Variants in SEC23A observed in about 807,000 individuals in gnomAD.
SEC23A encodes the protein protein transport protein Sec23A.
In SEC23A, 56 loss-of-function variants were observed where a neutral mutation model predicts 103.7. The ratio of observed to expected loss-of-function variants is 0.54; its 90% CI spans 0.44 to 0.67. The LOEUF is 0.67. SEC23A is among the 30% of genes least tolerant of loss of function. The pLI, the probability that SEC23A is intolerant of heterozygous loss-of-function variation, is 0.00. For missense variants in SEC23A, 784 were observed against 936.4 expected (o/e 0.84, Z 2.12); for synonymous variants, 281 against 293.0 (o/e 0.96, Z 0.42).
chr14:39,091,602 G>A lies in SEC23A; in HGVS notation c.478C>T (p.Pro160Ser), dbSNP rs1887666757. Residue 160 changes from proline (P) to serine (S), a missense_variant, in exon 5 of 20, where the codon CCT becomes TCT. Physicochemically the swap from Pro to Ser is moderately conservative, Grantham distance 74. This residue lies in a region of SEC23A where 683 missense variants were observed against 774.2 expected (regional missense o/e 0.88). Coordinates refer to ENST00000307712, the MANE Select transcript of SEC23A (RefSeq NM_006364.4). ...SMQMSLSLLP[P>S]TALVGLITFG... ...GTAATAAGTCCAACCAAAGCTGTAG[G>A]TGGTAAAAGACTTAATGACATCTGC... 5 of 1,613,820 alleles carry A rather than the reference G, an allele frequency of 3.1e-6. No individual in the cohort carries two copies. Among genetic ancestry groups the A allele is most frequent in the Non-Finnish European group, 4.2e-6 (5 of 1,179,810 alleles).
chr14:39,099,154 G>GTTTTTTTTTTTTTTTTTTTTTTTTTTTT (rs35763261), intron 1 of SEC23A, among the ~76,000 whole-genome samples: 1 of 83,644 alleles, frequency 1.2e-5, no homozygotes, highest in Non-Finnish European at 2.4e-5. Flanking sequence ...TTGTTTTTGG[G>GTTTTTTTTTTTTTTTTTTTTTTTTTTTT]TTTTTTTTTT....
chr14:39,056,610 A>G (rs6571889), intron 13 of SEC23A, among the ~76,000 whole-genome samples: 140,481 of 151,806 alleles, frequency 0.93, 65,100 homozygotes, highest in East Asian at 0.97. Flanking sequence ...GAGTAGCCAG[A>G]ACTACAGGCT....
At chr14:39,102,401 T>C (rs988305486) in intron 1 of SEC23A, among the ~76,000 whole-genome samples, 1 of 152,176 alleles carries the variant, frequency 6.6e-6, no homozygotes, top group Non-Finnish European at 1.5e-5. Context: ...GGAGTTCAAG[T>C]GAAAACGAGA....
At chr14:39,039,305 A>T (rs1279422034) in intron 18 of SEC23A, 2 of 515,532 alleles carry the variant, frequency 3.9e-6, no homozygotes, top group Non-Finnish European at 6.6e-6. Context: ...TCTCCAAATC[A>T]TACATCCAAA....
chr14:39,057,845 G>A (rs1426075402), intron 13 of SEC23A, among the ~76,000 whole-genome samples: 1 of 152,114 alleles, frequency 6.6e-6, no homozygotes, highest in Non-Finnish European at 1.5e-5. Context: ...TATTCCACTG[G>A]AAAATGAATA....
In SEC23A at chr14:39,035,379, T is replaced by C. The variant is rs115495160; in HGVS notation, c.2209-2051A>G. On this transcript the variant is annotated intron_variant, in intron 19 of 19. Transcript: ENST00000307712. ...ATTACACTTCAGAGTTTAAAATAGG[T>C]TTCCTTTCCCATGTTAAATATAAGA... 8.9e-3 allele frequency among the ~76,000 whole-genome samples: 1,354 copies of C among 152,290 alleles called. 17 individuals are homozygous for C. The highest frequency in any genetic ancestry group is 0.031 in the African/African-American group (1,279 of 41,558).
chr14:39,071,312 T>C (rs28821293), intron 9 of SEC23A, among the ~76,000 whole-genome samples: 15,139 of 152,216 alleles, frequency 0.099, 967 homozygotes, highest in East Asian at 0.32. Context: ...TAAAAATCAA[T>C]TGTTGGACGG....
At chr14:39,091,334 G>A in intron 5 of SEC23A, 143 bp downstream of exon 5, 1 of 653,142 alleles carries the variant, frequency 1.5e-6, no homozygotes. Context: ...ACTGAAGCCA[G>A]CACTGAATTT....
intron 10 of SEC23A, 39 bp from the exon 11 acceptor site, chr14:39,065,032 G>GAT (rs1886611203): frequency 1.5e-6 from 2 of 1,316,592 alleles, no homozygotes; most frequent in Non-Finnish European, 2.2e-6. Context: ...TTTCCTCAAA[G>GAT]ATACGTTCAA....
At chr14:39,046,066 T>A (rs1183110275) in intron 15 of SEC23A, among the ~76,000 whole-genome samples, 1 of 151,992 alleles carries the variant, frequency 6.6e-6, no homozygotes, top group African/African-American at 2.4e-5. Context: ...TAAATGGGAG[T>A]TCCCCTGCAC....
At chr14:39,049,175 T>TG (rs1566485218) in intron 14 of SEC23A, among the ~76,000 whole-genome samples, 1 of 138,426 alleles carries the variant, frequency 7.2e-6, no homozygotes, top group African/African-American at 2.7e-5. Flanking sequence ...CCATCGCTAT[T>TG]AAAAAAAAAA....
At chr14:39,046,454 C>T (rs1051610001) in intron 15 of SEC23A, among the ~76,000 whole-genome samples, 3 of 152,028 alleles carry the variant, frequency 2.0e-5, no homozygotes, top group African/African-American at 4.8e-5. Context: ...GCCTGGGTGA[C>T]AAGAGTGAGA....
At chr14:39,083,707 C>T (rs904361477) in intron 7 of SEC23A, among the ~76,000 whole-genome samples, 4 of 151,490 alleles carry the variant, frequency 2.6e-5, no homozygotes, top group African/African-American at 9.7e-5. Context: ...GGACTACAGG[C>T]GCCTGCCACC....
At chr14:39,095,232 C>G (rs1887844945) in intron 2 of SEC23A, among the ~76,000 whole-genome samples, 1 of 151,912 alleles carries the variant, frequency 6.6e-6, no homozygotes, top group Non-Finnish European at 1.5e-5. Flanking sequence ...AGAGATGATT[C>G]CTGAGATTTT....
rs372931902 is a variant in SEC23A, at chr14:39,064,963, T to C, written c.1258A>G (p.Ile420Val). The change falls in exon 11 of 20, where the codon ATT (isoleucine) becomes GTT (valine). Residue 420 changes from isoleucine (I) to valine (V), a missense_variant. Coordinates refer to ENST00000307712, the MANE Select transcript of SEC23A (RefSeq NM_006364.4). Reference sequence around the variant, plus strand: ...GAATTGAGTGACACACAGGGTCCAATAGCTCCTGAAATCTTTATTTCCCTT... The same window carrying C: ...GAATTGAGTGACACACAGGGTCCAACAGCTCCTGAAATCTTTATTTCCCTT... ...TSREIKISGA[I>V]GPCVSLNSKG... 2.2e-5 allele frequency: 36 copies of C among 1,613,154 alleles called. No individual in the cohort carries two copies. Among genetic ancestry groups the C allele is most frequent in the Middle Eastern group, 1.6e-4 (1 of 6,084 alleles).
chr14:39,096,681 T>C (rs371305210), intron 1 of SEC23A, among the ~76,000 whole-genome samples: 2 of 152,168 alleles, frequency 1.3e-5, no homozygotes, highest in African/African-American at 4.8e-5. Flanking sequence ...TAAAAGATGA[T>C]GGCAAAAAAT....
At chr14:39,091,319 A>G in intron 5 of SEC23A, 158 bp downstream of exon 5, 1 of 628,436 alleles carries the variant, frequency 1.6e-6, no homozygotes, top group Non-Finnish European at 2.8e-6. Flanking sequence ...GCACATGAAA[A>G]GAAAACTGAA....
chr14:39,046,376 G>C (rs928983305), intron 15 of SEC23A, among the ~76,000 whole-genome samples: 1 of 152,160 alleles, frequency 6.6e-6, no homozygotes, highest in Non-Finnish European at 1.5e-5. Context: ...GGGAGGCAGA[G>C]ACACAAGAAT....
At position 39,075,976 on chromosome 14, in the gene SEC23A, T is replaced by C. The variant is rs1306910409; in HGVS notation, c.946A>G (p.Ile316Val). The C allele has an allele frequency of 1.2e-6, 2 of 1,614,036 alleles. No individual in the cohort carries two copies. Among genetic ancestry groups the C allele is most frequent in the East Asian group, 2.2e-5 (1 of 44,856 alleles). The change falls in exon 8 of 20, where the codon ATT becomes GTT. Residue 316 changes from isoleucine to valine, a missense_variant. By Grantham distance (29) the Ile-to-Val change is conservative (BLOSUM62 3). Transcript: ENST00000307712. ...ACATATTTGGCATTGTCTTTGTCAA[T>C]GTCATGCCACGATCTTATAGGTGTC... ...LKTPIRSWHD[I>V]DKDNAKYVKK...
Sources: allele counts gnomAD v4.1 joint callset (sites outside exome capture counted in the v4.1 genomes callset), GRCh38; gene constraint gnomAD v4.1.1; regional missense constraint gnomAD v4.1.1; transcripts MANE v1.5; gene names NCBI Gene and HGNC (gene_info 2026-07-23, HGNC 2026-07-21).